The following ADGRL3 variants were observed in gnomAD, a reference collection of about 807,000 sequenced individuals.
The protein encoded by ADGRL3 is adhesion G protein-coupled receptor L3.
Under a neutral mutation model 153.5 loss-of-function variants are expected in ADGRL3, and 62 were observed. The ratio of observed to expected loss-of-function variants is 0.40; its 90% CI spans 0.33 to 0.50. The LOEUF is 0.50. ADGRL3 is among the 20% of genes least tolerant of loss of function. The pLI, the probability that ADGRL3 is intolerant of heterozygous loss-of-function variation, is 0.47. For synonymous variants in ADGRL3, 710 were observed against 672.5 expected, an observed-to-expected ratio of 1.06 and a Z score of -0.86; for missense variants, 1,641 against 1,859.4, an observed-to-expected ratio of 0.88 and a Z score of 2.16.
chr4:61,669,733 A>G (rs192021319), intron 5 of ADGRL3, among the ~76,000 whole-genome samples: 65 of 152,336 alleles, frequency 4.3e-4, no homozygotes, highest in African/African-American at 1.5e-3. Context: ...AAGTGCTAAT[A>G]TAAACTCATA....
intron 6 of ADGRL3, among the ~76,000 whole-genome samples, chr4:61,686,978 T>C (rs1381314155): frequency 1.3e-5 from 2 of 152,072 alleles, no homozygotes; most frequent in Admixed American, 6.6e-5. Context: ...AGAATTATAT[T>C]CTTTTTTATG....
intron 2 of ADGRL3, among the ~76,000 whole-genome samples, chr4:61,457,285 A>C (rs2097765449): frequency 6.6e-6 from 1 of 152,028 alleles, no homozygotes; most frequent in Non-Finnish European, 1.5e-5. Context: ...AGGGGCTGGC[A>C]TCTGGTAGTC....
chr4:62,021,495 A>G (rs2099238066), intron 21 of ADGRL3, among the ~76,000 whole-genome samples: 1 of 152,062 alleles, frequency 6.6e-6, no homozygotes, highest in South Asian at 2.1e-4. Flanking sequence ...CAAACATAAG[A>G]CTCAAAAATT....
At chr4:61,394,663 A>G (rs1466471716) in intron 2 of ADGRL3, among the ~76,000 whole-genome samples, 1 of 152,088 alleles carries the variant, frequency 6.6e-6, no homozygotes, top group Non-Finnish European at 1.5e-5. Flanking sequence ...TGTTTGTGGA[A>G]GAGAATTTAA....
intron 2 of ADGRL3, among the ~76,000 whole-genome samples, chr4:61,398,290 G>GA (rs947602875): frequency 4.1e-4 from 61 of 149,974 alleles, no homozygotes; most frequent in African/African-American, 1.3e-3. Flanking sequence ...TGGGTGAATT[G>GA]AAAAAAAAAT....
chr4:61,243,157 T>C (rs1307759965), intron 1 of ADGRL3, among the ~76,000 whole-genome samples: 1 of 152,104 alleles, frequency 6.6e-6, no homozygotes, highest in Non-Finnish European at 1.5e-5. Context: ...TGACACCCTC[T>C]GTGTGTTTAG....
chr4:61,844,367 G>C (rs2098081278), intron 9 of ADGRL3, among the ~76,000 whole-genome samples: 1 of 150,338 alleles, frequency 6.7e-6, no homozygotes, highest in South Asian at 2.1e-4. Flanking sequence ...GGCCAACCTG[G>C]TGAAACCCGT....
intron 2 of ADGRL3, among the ~76,000 whole-genome samples, chr4:61,392,957 G>A (rs924954325): frequency 6.6e-6 from 1 of 151,910 alleles, no homozygotes; most frequent in Non-Finnish European, 1.5e-5. Flanking sequence ...TCACAGCAAA[G>A]TTTCTCTATC....
chr4:61,300,914 A>C (rs909210341), intron 1 of ADGRL3, among the ~76,000 whole-genome samples: 1 of 151,582 alleles, frequency 6.6e-6, no homozygotes, highest in East Asian at 1.9e-4. Flanking sequence ...ACAAGCGCCC[A>C]CCACCACGCC....
intron 17 of ADGRL3, among the ~76,000 whole-genome samples, chr4:61,966,733 C>T (rs1199923199): frequency 1.3e-5 from 2 of 152,074 alleles, no homozygotes; most frequent in Non-Finnish European, 2.9e-5. Context: ...AAAGGATAGT[C>T]AAGACATTTT....
intron 17 of ADGRL3, among the ~76,000 whole-genome samples, chr4:61,972,289 A>G (rs2099031127): frequency 6.6e-6 from 1 of 152,160 alleles, no homozygotes. Context: ...TTATGGTTTT[A>G]GGTCTAAAGT....
intron 5 of ADGRL3, among the ~76,000 whole-genome samples, chr4:61,653,553 G>C (rs1398959153): frequency 6.6e-6 from 1 of 152,042 alleles, no homozygotes; most frequent in East Asian, 1.9e-4. Flanking sequence ...CTAGCTTTGG[G>C]TATCTCTTCA....
At chr4:61,288,218 T>G (rs574054759) in intron 1 of ADGRL3, among the ~76,000 whole-genome samples, 3 of 152,106 alleles carry the variant, frequency 2.0e-5, no homozygotes, top group African/African-American at 7.2e-5. Context: ...GTATTTTTAT[T>G]CCACTAAATA....
At chr4:61,966,377 A>G (rs553980625) in intron 17 of ADGRL3, among the ~76,000 whole-genome samples, 81 of 152,182 alleles carry the variant, frequency 5.3e-4, no homozygotes, top group Non-Finnish European at 7.1e-4. Context: ...ATGATTCAAA[A>G]TTTTCTTTCT....
intron 1 of ADGRL3, among the ~76,000 whole-genome samples, chr4:61,364,103 G>A (rs972722772): frequency 3.3e-5 from 5 of 151,846 alleles, no homozygotes; most frequent in African/African-American, 9.7e-5. Flanking sequence ...AGGCCAAGCC[G>A]GGTGGATCAC....
intron 1 of ADGRL3, 103 bp downstream of exon 1, chr4:61,201,868 C>G (rs1165629922): frequency 6.5e-6 from 1 of 152,854 alleles, no homozygotes; most frequent in Admixed American, 6.5e-5. Flanking sequence ...GGTGCATGCA[C>G]ACTCGCCCTT....
At chr4:62,045,058 T>C (rs943389977) in intron 25 of ADGRL3, among the ~76,000 whole-genome samples, 1 of 152,076 alleles carries the variant, frequency 6.6e-6, no homozygotes, top group East Asian at 1.9e-4. Context: ...GAAAAGATAC[T>C]TTTGGGTATA....
intron 9 of ADGRL3, among the ~76,000 whole-genome samples, chr4:61,852,907 G>A (rs1047081738): frequency 5.9e-5 from 9 of 151,772 alleles, no homozygotes; most frequent in Admixed American, 2.6e-4. Context: ...GGTTAACTCC[G>A]CTCTTGCCAT....
intron 5 of ADGRL3, among the ~76,000 whole-genome samples, chr4:61,636,103 C>T (rs1290604433): frequency 6.6e-6 from 1 of 152,118 alleles, no homozygotes; most frequent in African/African-American, 2.4e-5. Context: ...CCTATCGAAA[C>T]TACACACTAG....
Sources: allele counts gnomAD v4.1 joint callset (sites outside exome capture counted in the v4.1 genomes callset), GRCh38; gene constraint gnomAD v4.1.1; transcripts MANE v1.5; gene names NCBI Gene and HGNC (gene_info 2026-07-23, HGNC 2026-07-21).